Variants in PIK3R3 observed in about 807,000 individuals in gnomAD.
PIK3R3 encodes the protein phosphoinositide-3-kinase regulatory subunit 3.
A neutral mutation model predicts 62.9 loss-of-function variants in PIK3R3; 64 were observed. The ratio of observed to expected loss-of-function variants is 1.02; its 90% CI spans 0.83 to 1.25. The LOEUF is 1.25. Among genes scored for constraint, PIK3R3 ranks in the 50% most tolerant of loss-of-function variants. PIK3R3 has a pLI of 0.00. For synonymous variants in PIK3R3, 165 were observed against 189.0 expected (o/e 0.87, Z 1.04); for missense variants, 614 against 561.6 (o/e 1.09, Z -0.94).
At chr1:46,050,343 T>G (rs1324494721) in intron 7 of PIK3R3, among the ~76,000 whole-genome samples, 2 of 152,030 alleles carry the variant, frequency 1.3e-5, no homozygotes, top group African/African-American at 4.8e-5. Flanking sequence ...GGGAGGTGGA[T>G]CACCTGAGGT....
intron 1 of PIK3R3, among the ~76,000 whole-genome samples, chr1:46,094,707 T>G (rs1328457483): frequency 6.6e-6 from 1 of 152,244 alleles, no homozygotes; most frequent in African/African-American, 2.4e-5. Flanking sequence ...GATTTCTCTG[T>G]AGTGTGCTCA....
intron 4 of PIK3R3, 97 bp downstream of exon 4, chr1:46,066,814 C>A: frequency 1.0e-6 from 1 of 964,326 alleles, no homozygotes; most frequent in Admixed American, 1.9e-5. Context: ...AACAAAATGG[C>A]TAGTTTTTTA....
At chr1:46,102,258 T>C (rs1652766612) in intron 1 of PIK3R3, among the ~76,000 whole-genome samples, 2 of 152,174 alleles carry the variant, frequency 1.3e-5, no homozygotes. Flanking sequence ...GTGCTGGGAT[T>C]ACAGGCGTGA....
At chr1:46,152,629 C>T in the PIK3R3 span, among the ~76,000 whole-genome samples, 2 of 138,864 alleles carry the variant, frequency 1.4e-5, no homozygotes, top group African/African-American at 2.7e-5. Flanking sequence ...GTGGCGTGAT[C>T]TCTGCTCACT....
chr1:46,080,586 T>C, intron 2 of PIK3R3, 56 bp downstream of exon 2: 1 of 1,182,700 alleles, frequency 8.5e-7, no homozygotes, highest in East Asian at 2.3e-5. Context: ...TAACTACTAA[T>C]TCTCAAAAAT....
upstream of PIK3R3, among the ~76,000 whole-genome samples, chr1:46,136,353 A>G (rs1655932660): frequency 6.6e-6 from 1 of 152,220 alleles, no homozygotes. Flanking sequence ...GTTTGCCTTC[A>G]CAATGTACAA....
chr1:46,108,267 T>C (rs546984634), intron 1 of PIK3R3, among the ~76,000 whole-genome samples: 21 of 152,350 alleles, frequency 1.4e-4, no homozygotes, highest in East Asian at 9.6e-4. Context: ...TACTTAATTA[T>C]TCACTTAATG....
At chr1:46,081,208 A>G (rs1246719419) in intron 1 of PIK3R3, among the ~76,000 whole-genome samples, 3 of 152,238 alleles carry the variant, frequency 2.0e-5, no homozygotes, top group African/African-American at 7.2e-5. Flanking sequence ...GCTCAACTGT[A>G]ATAGAATGAA....
At chr1:46,140,951 C>T in the PIK3R3 span, among the ~76,000 whole-genome samples, 2 of 151,878 alleles carry the variant, frequency 1.3e-5, no homozygotes, top group African/African-American at 4.8e-5. Flanking sequence ...GCCTTGAACT[C>T]CCAGGCTCAA....
chr1:46,157,776 G>T, the PIK3R3 span, among the ~76,000 whole-genome samples: 2 of 152,174 alleles, frequency 1.3e-5, no homozygotes, highest in African/African-American at 4.8e-5. Context: ...CTGAAGCTTT[G>T]TGTAGTTATC....
At chr1:46,120,687 T>C (rs1053602731) in intron 1 of PIK3R3, among the ~76,000 whole-genome samples, 1 of 152,218 alleles carries the variant, frequency 6.6e-6, no homozygotes, top group South Asian at 2.1e-4. Flanking sequence ...AAGAGAGTTA[T>C]GGTTTTCCAA....
chr1:46,073,474 G>A (rs941604617), intron 3 of PIK3R3, among the ~76,000 whole-genome samples: 1 of 152,114 alleles, frequency 6.6e-6, no homozygotes, highest in African/African-American at 2.4e-5. Flanking sequence ...GATTTTAAGT[G>A]ACAAATCCAC....
chr1:46,167,420 GCTAGCTAGGT>G, the PIK3R3 span, among the ~76,000 whole-genome samples: 322 of 152,366 alleles, frequency 2.1e-3, no homozygotes, highest in Non-Finnish European at 3.5e-3. Context: ...TGGAGGCGCA[GCTAGCTAGGT>G]GAGGAGCAGC....
At chr1:46,096,792 G>A (rs1203966546) in intron 1 of PIK3R3, among the ~76,000 whole-genome samples, 4 of 149,236 alleles carry the variant, frequency 2.7e-5, no homozygotes, top group Non-Finnish European at 5.9e-5. Context: ...AGTGAGCACA[G>A]ATAGTGTCAC....
At chr1:46,046,443 C>T in intron 8 of PIK3R3, 108 bp downstream of exon 8, 1 of 781,692 alleles carries the variant, frequency 1.3e-6, no homozygotes, top group Non-Finnish European at 2.2e-6. Context: ...GTTCTAGATT[C>T]AATGTCCTCA....
At chr1:46,115,864 A>G (rs1220043039) in intron 1 of PIK3R3, among the ~76,000 whole-genome samples, 3 of 152,236 alleles carry the variant, frequency 2.0e-5, no homozygotes, top group Non-Finnish European at 2.9e-5. Flanking sequence ...TGTACAGATC[A>G]GAATAATGAC....
intron 5 of PIK3R3, among the ~76,000 whole-genome samples, chr1:46,064,054 A>G (rs1648768688): frequency 6.6e-6 from 1 of 152,004 alleles, no homozygotes; most frequent in Non-Finnish European, 1.5e-5. Flanking sequence ...CTCTACTAAA[A>G]ATACAAAAAT....
chr1:46,129,741 A>G (rs1456669156), intron 1 of PIK3R3, among the ~76,000 whole-genome samples: 2 of 152,190 alleles, frequency 1.3e-5, no homozygotes, highest in Non-Finnish European at 2.9e-5. Context: ...CACTATTTCC[A>G]TGAAAAACCA....
chr1:46,097,194 T>G (rs1196601832), intron 1 of PIK3R3, among the ~76,000 whole-genome samples: 1 of 152,086 alleles, frequency 6.6e-6, no homozygotes, highest in Non-Finnish European at 1.5e-5. Context: ...ATTAACAGAA[T>G]AAAGGACAAA....
Sources: allele counts gnomAD v4.1 joint callset (sites outside exome capture counted in the v4.1 genomes callset), GRCh38; gene constraint gnomAD v4.1.1; transcripts MANE v1.5; gene names NCBI Gene and HGNC (gene_info 2026-07-23, HGNC 2026-07-21).